The following KCNMA1 variants were observed in gnomAD, a reference collection of about 807,000 sequenced individuals.
KCNMA1 encodes Calcium-activated potassium channel subunit alpha-1.
A neutral mutation model predicts 140.0 loss-of-function variants in KCNMA1; 29 were observed. The observed-to-expected ratio is 0.21, with a 90% CI of 0.15 to 0.28. KCNMA1 has a LOEUF of 0.28. Ranked by LOEUF, KCNMA1 falls within the 10% of genes least tolerant of loss-of-function variation. The pLI is 1.00. For synonymous variants in KCNMA1, 612 were observed against 611.9 expected, an observed-to-expected ratio of 1.00 and a Z score of 0.00; for missense variants, 880 against 1,602.2, an observed-to-expected ratio of 0.55 and a Z score of 7.70.
intron 2 of KCNMA1, among the ~76,000 whole-genome samples, chr10:77,374,417 T>G (rs755942748): frequency 6.6e-6 from 1 of 152,170 alleles, no homozygotes; most frequent in Non-Finnish European, 1.5e-5. Flanking sequence ...ACAAAAAAAC[T>G]ATTGGGGTTT....
chr10:77,601,450 A>C (rs1305238503), intron 1 of KCNMA1, among the ~76,000 whole-genome samples: 1 of 152,252 alleles, frequency 6.6e-6, no homozygotes, highest in Non-Finnish European at 1.5e-5. Context: ...AGCAGTCAGC[A>C]TAAGATTCCG....
chr10:76,957,977 G>A (rs945590826), intron 20 of KCNMA1, among the ~76,000 whole-genome samples: 11 of 152,332 alleles, frequency 7.2e-5, no homozygotes, highest in Middle Eastern at 3.4e-3. Flanking sequence ...GGCCTGTGCT[G>A]CAGAGAGATC....
chr10:77,247,566 T>C (rs929526308), intron 3 of KCNMA1, among the ~76,000 whole-genome samples: 1 of 152,194 alleles, frequency 6.6e-6, no homozygotes, highest in Admixed American at 6.5e-5. Context: ...AGGGTTGGCG[T>C]TGGTGTCGGG....
At chr10:77,025,709 T>C (rs905726195) in intron 16 of KCNMA1, among the ~76,000 whole-genome samples, 4 of 151,588 alleles carry the variant, frequency 2.6e-5, no homozygotes, top group African/African-American at 9.7e-5. Context: ...AGTTAGAAAA[T>C]GTGAGAGGGA....
At chr10:77,303,813 C>T (rs192064825) in intron 2 of KCNMA1, among the ~76,000 whole-genome samples, 3 of 152,310 alleles carry the variant, frequency 2.0e-5, no homozygotes, top group East Asian at 1.9e-4. Context: ...CTGTGCTCTT[C>T]GCCACCACAC....
At chr10:77,511,032 G>A (rs991906268) in intron 1 of KCNMA1, among the ~76,000 whole-genome samples, 20 of 152,160 alleles carry the variant, frequency 1.3e-4, no homozygotes, top group African/African-American at 2.7e-4. Flanking sequence ...CAAGGACATC[G>A]AGCCTTGAAT....
chr10:77,268,273 G>A (rs769536501), intron 2 of KCNMA1, among the ~76,000 whole-genome samples: 10 of 152,066 alleles, frequency 6.6e-5, no homozygotes, highest in African/African-American at 1.2e-4. Flanking sequence ...ACCAGCAGGC[G>A]AACGACAATG....
intron 9 of KCNMA1, among the ~76,000 whole-genome samples, chr10:77,097,054 T>C (rs760417327): frequency 1.3e-5 from 2 of 152,070 alleles, no homozygotes; most frequent in Non-Finnish European, 2.9e-5. Context: ...TTTGCCCCCC[T>C]AGGTTGACCT....
At chr10:77,556,193 A>G (rs1297899309) in intron 1 of KCNMA1, among the ~76,000 whole-genome samples, 1 of 152,170 alleles carries the variant, frequency 6.6e-6, no homozygotes, top group East Asian at 1.9e-4. Flanking sequence ...TAGTTCTCAA[A>G]GTAATTGCGA....
At chr10:77,475,743 A>AC (rs1243706377) in intron 1 of KCNMA1, among the ~76,000 whole-genome samples, 1 of 152,164 alleles carries the variant, frequency 6.6e-6, no homozygotes, top group Non-Finnish European at 1.5e-5. Context: ...GAGGACTTCC[A>AC]CCCAGAACAC....
chr10:77,364,869 T>G (rs1369577343), intron 2 of KCNMA1, among the ~76,000 whole-genome samples: 2 of 151,708 alleles, frequency 1.3e-5, no homozygotes, highest in Non-Finnish European at 2.9e-5. Flanking sequence ...TTAAACAGAG[T>G]TTTTACTGGA....
chr10:76,992,244 T>C (rs1297446081), intron 19 of KCNMA1, among the ~76,000 whole-genome samples: 1 of 152,204 alleles, frequency 6.6e-6, no homozygotes, highest in African/African-American at 2.4e-5. Flanking sequence ...CCACTTTTGT[T>C]AGTCCTGCTC....
intron 10 of KCNMA1, 55 bp from the exon 11 acceptor site, chr10:77,086,648 C>T (rs1243669923): frequency 6.7e-6 from 8 of 1,194,980 alleles, no homozygotes; most frequent in Non-Finnish European, 9.9e-6. Context: ...GGGTTTCAGC[C>T]TCCATGGGCT....
At chr10:77,404,838 G>A (rs1041729937) in intron 1 of KCNMA1, among the ~76,000 whole-genome samples, 35 of 152,108 alleles carry the variant, frequency 2.3e-4, no homozygotes, top group Admixed American at 1.3e-4. Flanking sequence ...ATAATCACAT[G>A]ATCCATGCCA....
At chr10:77,136,609 A>G (rs1332276341) in intron 5 of KCNMA1, among the ~76,000 whole-genome samples, 1 of 149,638 alleles carries the variant, frequency 6.7e-6, no homozygotes, top group Non-Finnish European at 1.5e-5. Context: ...AAAAAAAAGA[A>G]GTAAAAGATG....
intron 2 of KCNMA1, among the ~76,000 whole-genome samples, chr10:77,375,653 C>T (rs538518474): frequency 3.2e-4 from 48 of 152,358 alleles, no homozygotes; most frequent in African/African-American, 1.1e-3. Flanking sequence ...CTGTGACAGG[C>T]ACAGACCCCC....
intron 9 of KCNMA1, among the ~76,000 whole-genome samples, chr10:77,095,425 T>C (rs1033482494): frequency 2.0e-5 from 3 of 152,168 alleles, no homozygotes; most frequent in Admixed American, 6.5e-5. Context: ...GCCAAAATAG[T>C]ATCCAACGGC....
At chr10:77,548,813 A>G (rs937775525) in intron 1 of KCNMA1, among the ~76,000 whole-genome samples, 1 of 152,242 alleles carries the variant, frequency 6.6e-6, no homozygotes, top group Non-Finnish European at 1.5e-5. Context: ...CAGTCATGCA[A>G]CAAGTAATTA....
At chr10:77,622,655 C>G (rs1030376092) in intron 1 of KCNMA1, among the ~76,000 whole-genome samples, 1 of 152,182 alleles carries the variant, frequency 6.6e-6, no homozygotes, top group African/African-American at 2.4e-5. Context: ...CATTTTCTAA[C>G]CTGTAAAATG....
Sources: allele counts gnomAD v4.1 joint callset (sites outside exome capture counted in the v4.1 genomes callset), GRCh38; gene constraint gnomAD v4.1.1; transcripts MANE v1.5; gene names NCBI Gene and HGNC (gene_info 2026-07-23, HGNC 2026-07-21).